CCSER1: variants seen among roughly 807,000 people sequenced by gnomAD.
The protein encoded by CCSER1 is serine-rich coiled-coil domain-containing protein 1.
CCSER1 carries 41 observed loss-of-function variants against 82.0 expected under a neutral mutation model. The observed-to-expected ratio is 0.50, with a 90% CI of 0.39 to 0.65. The LOEUF (loss-of-function observed/expected upper bound fraction) is 0.65. CCSER1 is among the 30% of genes least tolerant of loss of function. The pLI is 0.00. For synonymous variants in CCSER1, 414 were observed against 383.9 expected (o/e 1.08, Z -0.92); for missense variants, 1,119 against 1,064.2 (o/e 1.05, Z -0.72).
intron 10 of CCSER1, among the ~76,000 whole-genome samples, chr4:91,218,480 A>G (rs1353503370): frequency 6.6e-6 from 1 of 152,216 alleles, no homozygotes; most frequent in African/African-American, 2.4e-5. Flanking sequence ...CAGGCAGGGG[A>G]GGTGCCGAGA....
chr4:91,136,641 A>T (rs1193954888), intron 10 of CCSER1, among the ~76,000 whole-genome samples: 1 of 152,216 alleles, frequency 6.6e-6, no homozygotes, highest in African/African-American at 2.4e-5. Flanking sequence ...GTGAGATAGT[A>T]TAAGATGTAT....
chr4:90,917,822 A>G (rs1727729855), intron 8 of CCSER1, among the ~76,000 whole-genome samples: 1 of 152,096 alleles, frequency 6.6e-6, no homozygotes, highest in South Asian at 2.1e-4. Context: ...AACTTGTCTC[A>G]GAAGGCTGTG....
chr4:90,522,769 T>C (rs1428722731), intron 5 of CCSER1, among the ~76,000 whole-genome samples: 1 of 152,196 alleles, frequency 6.6e-6, no homozygotes, highest in Non-Finnish European at 1.5e-5. Context: ...TTATAATTTC[T>C]GTTTATAAAT....
chr4:90,857,260 C>T (rs1485514513), intron 8 of CCSER1, among the ~76,000 whole-genome samples: 2 of 152,050 alleles, frequency 1.3e-5, no homozygotes, highest in African/African-American at 4.8e-5. Flanking sequence ...TGGGGAATGA[C>T]CCACTTTCAA....
intron 1 of CCSER1, among the ~76,000 whole-genome samples, chr4:90,254,746 AC>A (rs887624183): frequency 2.0e-5 from 3 of 152,140 alleles, no homozygotes; most frequent in Non-Finnish European, 4.4e-5. Flanking sequence ...GCCATGGCTC[AC>A]ATGCCATAGA....
chr4:90,938,817 T>A (rs894944941), intron 9 of CCSER1: 3 of 228,970 alleles, frequency 1.3e-5, no homozygotes, highest in Non-Finnish European at 2.8e-5. Context: ...TTTTTCATCA[T>A]TTCATATTTT....
chr4:90,577,010 C>CT (rs1418523182), intron 5 of CCSER1, among the ~76,000 whole-genome samples: 1 of 152,028 alleles, frequency 6.6e-6, no homozygotes, highest in Non-Finnish European at 1.5e-5. Context: ...ATGGGAGTTC[C>CT]TATTGTTCCA....
At chr4:90,928,066 G>C (rs1235314768) in intron 9 of CCSER1, among the ~76,000 whole-genome samples, 2 of 151,832 alleles carry the variant, frequency 1.3e-5, no homozygotes, top group African/African-American at 4.8e-5. Flanking sequence ...GTATGAATGT[G>C]CTCTGGCATT....
chr4:90,176,407 A>G (rs988287058), intron 1 of CCSER1, among the ~76,000 whole-genome samples: 10 of 152,038 alleles, frequency 6.6e-5, no homozygotes, highest in Admixed American at 2.0e-4. Context: ...AGGACAGACC[A>G]TGGCTTGTCA....
intron 7 of CCSER1, among the ~76,000 whole-genome samples, chr4:90,803,497 T>C (rs903755488): frequency 6.6e-5 from 10 of 152,192 alleles, no homozygotes; most frequent in African/African-American, 2.4e-4. Flanking sequence ...TTGCTGAGAA[T>C]GATGGTTTCC....
intron 4 of CCSER1, among the ~76,000 whole-genome samples, chr4:90,439,462 AT>A (rs1759540204): frequency 6.6e-6 from 1 of 152,180 alleles, no homozygotes; most frequent in African/African-American, 2.4e-5. Context: ...CTTTTAACTC[AT>A]TTGCAAAAGA....
At chr4:90,621,666 T>C (rs999162132) in intron 5 of CCSER1, among the ~76,000 whole-genome samples, 2 of 152,238 alleles carry the variant, frequency 1.3e-5, no homozygotes, top group African/African-American at 2.4e-5. Flanking sequence ...TGCCTACTTA[T>C]TGGAATATTT....
At chr4:90,975,061 C>T (rs1735481224) in intron 9 of CCSER1, among the ~76,000 whole-genome samples, 1 of 151,296 alleles carries the variant, frequency 6.6e-6, no homozygotes. Context: ...ATCTATTTTA[C>T]AATATAGATC....
chr4:91,037,038 C>T (rs1741494041), intron 9 of CCSER1, among the ~76,000 whole-genome samples: 1 of 152,088 alleles, frequency 6.6e-6, no homozygotes, highest in Admixed American at 6.6e-5. Flanking sequence ...GATCGTGTCA[C>T]TGCACCCCAG....
chr4:91,391,951 TAAAC>T lies in CCSER1; in HGVS notation c.2218-206619_2218-206616del, dbSNP rs1045178494. On this transcript the variant is annotated intron_variant, in intron 10 of 10. Coordinates refer to ENST00000509176, the MANE Select transcript of CCSER1 (RefSeq NM_001145065.2). ...TTATGCACATATGTACATATACACA[TAAAC>T]ATACATACATACAATACATATATAT... 3.0e-4 allele frequency among the ~76,000 whole-genome samples: 46 copies of T among 152,170 alleles called. 1 individual carries two copies. The highest frequency in any genetic ancestry group is 1.1e-3 in the African/African-American group (45 of 41,546).
intron 1 of CCSER1, among the ~76,000 whole-genome samples, chr4:90,220,384 T>C (rs1234675078): frequency 2.6e-5 from 4 of 152,128 alleles, no homozygotes; most frequent in Admixed American, 6.6e-5. Flanking sequence ...GGGCTTATTC[T>C]TCTATGATTT....
chr4:91,354,742 G>A (rs1327633460), intron 10 of CCSER1, among the ~76,000 whole-genome samples: 2 of 152,138 alleles, frequency 1.3e-5, no homozygotes, highest in Non-Finnish European at 1.5e-5. Flanking sequence ...ACTAATTATT[G>A]GGCTTCCCAT....
At chr4:91,506,457 A>C (rs1233394059) in intron 10 of CCSER1, among the ~76,000 whole-genome samples, 1 of 152,040 alleles carries the variant, frequency 6.6e-6, no homozygotes, top group Non-Finnish European at 1.5e-5. Flanking sequence ...TATGAAATTT[A>C]AAGGAGTTTT....
intron 1 of CCSER1, among the ~76,000 whole-genome samples, chr4:90,289,553 T>A (rs1730542635): frequency 6.6e-6 from 1 of 151,840 alleles, no homozygotes; most frequent in African/African-American, 2.4e-5. Flanking sequence ...TACACTCCTT[T>A]ACCCTAATAA....
Sources: allele counts gnomAD v4.1 joint callset (sites outside exome capture counted in the v4.1 genomes callset), GRCh38; gene constraint gnomAD v4.1.1; transcripts MANE v1.5; gene names NCBI Gene and HGNC (gene_info 2026-07-23, HGNC 2026-07-21).